DNAH11: variants seen among roughly 807,000 people sequenced by gnomAD.
DNAH11 encodes the protein axonemal beta dynein heavy chain 11.
In DNAH11, 442 loss-of-function variants were observed where a neutral mutation model predicts 526.0. That is an observed-to-expected ratio of 0.84 (90% CI 0.78 to 0.91). DNAH11 has a LOEUF of 0.91. Among genes scored for constraint, DNAH11 ranks in the 40% least tolerant of loss-of-function variants. The pLI, the probability that DNAH11 is intolerant of heterozygous loss-of-function variation, is 0.00. For missense variants in DNAH11, 6,989 were observed against 5,448.7 expected, an observed-to-expected ratio of 1.28 and a Z score of -8.90; for synonymous variants, 2,461 against 1,935.9, an observed-to-expected ratio of 1.27 and a Z score of -7.12.
chr7:21,766,837 T>A (rs1035721058), intron 55 of DNAH11, among the ~76,000 whole-genome samples: 14 of 152,144 alleles, frequency 9.2e-5, no homozygotes, highest in Non-Finnish European at 2.9e-5. Context: ...ATCTAATTAT[T>A]TGGTGGTGGA....
At chr7:21,897,906 C>G (rs1453759893) in intron 79 of DNAH11, among the ~76,000 whole-genome samples, 2 of 152,322 alleles carry the variant, frequency 1.3e-5, no homozygotes, top group East Asian at 3.9e-4. Flanking sequence ...TGTGAGCCAC[C>G]ACGTCTGGCC....
chr7:21,549,917 T>C (rs7789837), intron 2 of DNAH11, among the ~76,000 whole-genome samples: 101,001 of 152,036 alleles, frequency 0.66, 35,413 homozygotes, highest in East Asian at 0.95. Context: ...AATCTTATAG[T>C]TTGGGGTGCT....
At chr7:21,641,453 C>G (rs1787128577) in intron 28 of DNAH11, among the ~76,000 whole-genome samples, 2 of 152,174 alleles carry the variant, frequency 1.3e-5, no homozygotes, top group South Asian at 4.1e-4. Context: ...GAAGGACTAA[C>G]TGTCCTAACC....
chr7:21,582,015 A>G lies in DNAH11; in HGVS notation c.1704A>G (p.Ala568=). The G allele has an allele frequency of 6.2e-7, 1 of 1,602,458 alleles. No homozygotes were observed. Among genetic ancestry groups the G allele is most frequent in the South Asian group, 1.1e-5 (1 of 90,750 alleles). Residue 568 remains alanine (A), a synonymous_variant, in exon 9 of 82, where the codon GCA becomes GCG. Coordinates refer to ENST00000409508, the MANE Select transcript of DNAH11 (RefSeq NM_001277115.2). The part of the protein sequence containing the change: ...AFFNCNGLEA[A]FKLLTIFGNF... ...TTAACTGCAATGGCTTAGAAGCTGCATTTAAGGTTAGTTCTGAAGAAGCTA... is the reference window on the plus strand; with the variant it reads ...TTAACTGCAATGGCTTAGAAGCTGCGTTTAAGGTTAGTTCTGAAGAAGCTA...
chr7:21,616,408 G>C, intron 22 of DNAH11, 116 bp downstream of exon 22: 2 of 743,718 alleles, frequency 2.7e-6, no homozygotes, highest in Non-Finnish European at 4.2e-6. Flanking sequence ...ACTTCTAACA[G>C]AGTGATAGCA....
chr7:21,606,352 A>T, intron 18 of DNAH11, 74 bp from the exon 19 acceptor site: 2 of 1,146,634 alleles, frequency 1.7e-6, no homozygotes, highest in Non-Finnish European at 1.2e-6. Context: ...AAGAAATTAG[A>T]GTCATTTAAT....
At chr7:21,867,501 G>A (rs1344887957) in intron 71 of DNAH11, among the ~76,000 whole-genome samples, 1 of 152,206 alleles carries the variant, frequency 6.6e-6, no homozygotes, top group East Asian at 1.9e-4. Context: ...CCAGCAGGCT[G>A]GAAAATTGCA....
chr7:21,812,299 T>A (rs1346120005), intron 63 of DNAH11, among the ~76,000 whole-genome samples: 1 of 152,148 alleles, frequency 6.6e-6, no homozygotes, highest in African/African-American at 2.4e-5. Context: ...GATGGAAGAA[T>A]CATGATTTGG....
In DNAH11 at chr7:21,687,500, A is replaced by G. The variant is rs1783430877; in HGVS notation, c.5897A>G (p.His1966Arg). 3.1e-6 allele frequency: 5 copies of G among 1,613,722 alleles called. No homozygotes were observed. Among genetic ancestry groups the G allele is most frequent in the Non-Finnish European group, 4.2e-6 (5 of 1,179,830 alleles). ...SVVAVQVKMI[H>R]DAIRNRKKRF... is the part of the protein sequence containing the mutation. ...GTGGCAGTACAAGTGAAAATGATTC[A>G]TGATGCCATCAGAAACAGGAAGAAG... Residue 1966 changes from histidine (H) to arginine (R), a missense_variant, in exon 34 of 82, where the codon CAT becomes CGT. Transcript: ENST00000409508.
intron 65 of DNAH11, among the ~76,000 whole-genome samples, chr7:21,834,781 G>T (rs971608629): frequency 1.3e-5 from 2 of 152,098 alleles, no homozygotes; most frequent in Non-Finnish European, 1.5e-5. Flanking sequence ...GAAGTTCAAG[G>T]TTGCAGTGAG....
At chr7:21,731,784 G>A (rs146491694) in intron 45 of DNAH11, among the ~76,000 whole-genome samples, 271 of 152,212 alleles carry the variant, frequency 1.8e-3, no homozygotes, top group Middle Eastern at 3.4e-3. Flanking sequence ...TTATCCCACC[G>A]AGGATGGTAA....
chr7:21,787,019 G>T (rs1788222461), intron 59 of DNAH11, among the ~76,000 whole-genome samples: 1 of 152,202 alleles, frequency 6.6e-6, no homozygotes. Flanking sequence ...GCAAAATTAT[G>T]AAAGCAGTTA....
At chr7:21,645,922 C>A (rs966021440) in intron 28 of DNAH11, among the ~76,000 whole-genome samples, 1 of 152,120 alleles carries the variant, frequency 6.6e-6, no homozygotes, top group East Asian at 1.9e-4. Context: ...GAAGTCCTAA[C>A]TATAAACAAA....
chr7:21,888,224 A>C (rs1377445408), intron 76 of DNAH11, among the ~76,000 whole-genome samples: 1 of 152,192 alleles, frequency 6.6e-6, no homozygotes, highest in African/African-American at 2.4e-5. Context: ...AAAAATCCCT[A>C]ACAGCACTTT....
chr7:21,822,388 A>G (rs1053644140), intron 65 of DNAH11, among the ~76,000 whole-genome samples: 1 of 152,106 alleles, frequency 6.6e-6, no homozygotes, highest in Non-Finnish European at 1.5e-5. Flanking sequence ...TCCCACAGGG[A>G]GGGAGGACAC....
At chr7:21,623,198 A>G (rs1196820324) in intron 25 of DNAH11, among the ~76,000 whole-genome samples, 2 of 152,238 alleles carry the variant, frequency 1.3e-5, no homozygotes, top group Admixed American at 6.5e-5. Context: ...TATGCAACCA[A>G]AAAACACATG....
chr7:21,620,605 G>A (rs955561377), intron 25 of DNAH11, among the ~76,000 whole-genome samples: 8 of 151,470 alleles, frequency 5.3e-5, no homozygotes, highest in East Asian at 1.9e-4. Flanking sequence ...GGGTACACGC[G>A]CACAATGTGC....
chr7:21,706,057 T>C (rs996624660), intron 39 of DNAH11, among the ~76,000 whole-genome samples: 1 of 152,132 alleles, frequency 6.6e-6, no homozygotes, highest in African/African-American at 2.4e-5. Flanking sequence ...CAGTACTCCC[T>C]CAGAAATATA....
At chr7:21,672,392 C>T (rs1481201881) in intron 30 of DNAH11, among the ~76,000 whole-genome samples, 1 of 152,132 alleles carries the variant, frequency 6.6e-6, no homozygotes, top group Non-Finnish European at 1.5e-5. Flanking sequence ...CTCAAACAGT[C>T]CTCCTGCCTC....
Sources: allele counts gnomAD v4.1 joint callset (sites outside exome capture counted in the v4.1 genomes callset), GRCh38; gene constraint gnomAD v4.1.1; transcripts MANE v1.5; gene names NCBI Gene and HGNC (gene_info 2026-07-23, HGNC 2026-07-21).